Variants in OXT observed in about 807,000 individuals in gnomAD.
The protein encoded by OXT is oxytocin/neurophysin I prepropeptide, also known as oxytocin-neurophysin 1 proprotein.
OXT carries 9 observed loss-of-function variants against 11.2 expected under a neutral mutation model. That is an observed-to-expected ratio of 0.80 (90% CI 0.49 to 1.40). The LOEUF is 1.40. Among genes scored for constraint, OXT ranks in the 40% most tolerant of loss-of-function variants. The pLI is 0.00. For synonymous variants in OXT, 76 were observed against 80.9 expected, an observed-to-expected ratio of 0.94 and a Z score of 0.33; for missense variants, 175 against 178.7, an observed-to-expected ratio of 0.98 and a Z score of 0.12.
chr20:3,072,503 G>A lies in OXT; in HGVS notation c.*85G>A. The A allele has an allele frequency of 6.9e-7, 1 of 1,455,318 alleles. No individual in the cohort carries two copies. Among genetic ancestry groups the A allele is most frequent in the Admixed American group, 1.7e-5 (1 of 58,524 alleles). 90.2% of individuals were successfully genotyped at this position (1,455,318 alleles called of 1,614,324 possible). A position where few individuals can be genotyped will look rare whatever the true frequency, so the allele number is the denominator to read the frequency against. ...GAAATGGTGAAAATAAAATAAAGCA[G>A]GTTTTTCTCCTCTACCTTGACTCGT... On this transcript the variant is annotated 3_prime_UTR_variant, in exon 3 of 3. Coordinates refer to ENST00000217386, the MANE Select transcript of OXT (RefSeq NM_000915.4).
intron 2 of OXT, 27 bp downstream of exon 2, chr20:3,072,305 C>G: frequency 6.3e-7 from 1 of 1,599,584 alleles, no homozygotes. Context: ...GCTCCGGGGC[C>G]AGGGGGAGGC....
In OXT at chr20:3,071,869, A is replaced by G. The variant is rs2066076879; in HGVS notation, c.120+94A>G. 7.6e-6 allele frequency: 11 copies of G among 1,446,662 alleles called. No individual in the cohort carries two copies. Among genetic ancestry groups the G allele is most frequent in the Non-Finnish European group, 1.0e-5 (11 of 1,103,894 alleles). The allele number at this position is 1,446,662 out of a possible 1,614,324, so 89.6% of individuals were successfully genotyped here. ...CGCTCCGGCCTCGCCTGAGAACTCC[A>G]GGAGCTGAGCGGATTTTGACGCCCC... On this transcript the variant is annotated intron_variant, in intron 1 of 2. Coordinates refer to ENST00000217386, the MANE Select transcript of OXT (RefSeq NM_000915.4). The surrounding 1 kb of genome is among the most constrained non-coding windows in gnomAD (Gnocchi z 4.8).
At chr20:3,072,009 C>A (rs1170270112) in intron 1 of OXT, 68 bp from the exon 2 acceptor site, 32 of 1,413,438 alleles carry the variant, frequency 2.3e-5, no homozygotes, top group Admixed American at 9.2e-5. Context: ...CCCGGCCGGC[C>A]TCGCAGGGTC....
chr20:3,071,769 G>C lies in OXT; in HGVS notation c.114G>C (p.Val38=), dbSNP rs936842972. Residue 38 remains valine (V), a synonymous_variant, in exon 1 of 3, where the codon GTG becomes GTC. Coordinates refer to ENST00000217386, the MANE Select transcript of OXT (RefSeq NM_000915.4). This position sits in a 1 kb window ranked among gnomAD's most constrained non-coding sequence, Gnocchi z 4.8. The part of the protein sequence containing the change: ...GGKRAAPDLD[V]RKCLPCGPGG... ...AGAGGGCCGCGCCGGACCTCGACGT[G>C]CGCAAGGTGAGTCCCCAGCCCTGGT... The C allele has an allele frequency of 5.1e-6, 8 of 1,572,942 alleles. No homozygotes were observed. The highest frequency in any genetic ancestry group is 4.0e-5 in the African/African-American group (3 of 74,346).
In OXT at chr20:3,072,123, A is replaced by C. The variant is rs768850071; in HGVS notation, c.167A>C (p.Asn56Thr). Reference protein sequence around the residue: ...PGGKGRCFGPNICCAEELGCF... With the variant: ...PGGKGRCFGPTICCAEELGCF... Reference sequence around the variant, plus strand: ...GGCAAAGGCCGCTGCTTCGGGCCCAATATCTGCTGCGCGGAAGAGCTGGGC... The same window carrying C: ...GGCAAAGGCCGCTGCTTCGGGCCCACTATCTGCTGCGCGGAAGAGCTGGGC... The change falls in exon 2 of 3, where the codon AAT becomes ACT. Residue 56 changes from asparagine to threonine, a missense_variant. Physicochemically the swap from Asn to Thr is moderately conservative, Grantham distance 65. Transcript: ENST00000217386. 1 of 1,577,456 alleles carries C rather than the reference A, an allele frequency of 6.3e-7. No homozygotes were observed. The highest frequency in any genetic ancestry group is 1.7e-5 in the Admixed American group (1 of 57,290).
intron 1 of OXT, 63 bp from the exon 2 acceptor site, chr20:3,072,014 A>G: frequency 2.8e-6 from 4 of 1,421,214 alleles, no homozygotes; most frequent in Non-Finnish European, 3.7e-6. Context: ...CCGGCCTCGC[A>G]GGGTCCTCCG....
rs1339931444 is a variant in OXT at position 3,071,654 on chromosome 20, C to T, written c.-2C>T. The stretch of plus-strand genomic sequence containing the variant: ...GGACCCTGGACCCAGCGCACCCGCA[C>T]CATGGCCGGCCCCAGCCTCGCTTGC... On this transcript the variant is annotated 5_prime_UTR_variant, in exon 1 of 3. Transcript: ENST00000217386. The surrounding 1 kb of genome is among the most constrained non-coding windows in gnomAD (Gnocchi z 4.8). 1 of 1,602,554 alleles carries T rather than the reference C, an allele frequency of 6.2e-7. No individual in the cohort carries two copies. The highest frequency in any genetic ancestry group is 1.7e-5 in the Admixed American group (1 of 59,748).
rs757502666 is a variant in OXT at position 3,071,734 on chromosome 20, C to G, written c.79C>G (p.Leu27Val). 3 of 1,587,668 alleles carry G rather than the reference C, an allele frequency of 1.9e-6. No homozygotes were observed. Among genetic ancestry groups the G allele is most frequent in the Non-Finnish European group, 2.6e-6 (3 of 1,171,340 alleles). Reference protein sequence around the residue: ...TSACYIQNCPLGGKRAAPDLD... With the variant: ...TSACYIQNCPVGGKRAAPDLD... Reference sequence around the variant, plus strand: ...CGCCTGCTACATCCAGAACTGCCCCCTGGGAGGCAAGAGGGCCGCGCCGGA... The same window carrying G: ...CGCCTGCTACATCCAGAACTGCCCCGTGGGAGGCAAGAGGGCCGCGCCGGA... Residue 27 changes from leucine (L) to valine (V), a missense_variant, in exon 1 of 3, where the codon CTG becomes GTG. Transcript: ENST00000217386. The surrounding 1 kb of genome is among the most constrained non-coding windows in gnomAD (Gnocchi z 4.8).
Position 3,071,787 on chromosome 20 carries a change from GC to G in OXT, c.120+15del. 1 of 1,559,200 alleles carries G rather than the reference GC, an allele frequency of 6.4e-7. No individual in the cohort carries two copies. Among genetic ancestry groups the G allele is most frequent in the Non-Finnish European group, 8.6e-7 (1 of 1,158,588 alleles). The stretch of plus-strand genomic sequence containing the variant: ...TCGACGTGCGCAAGGTGAGTCCCCA[GC>G]CCTGGTCCCGCGGCGCTCCGGGGAG... On this transcript the variant is annotated intron_variant, in intron 1 of 2. Transcript: ENST00000217386. The surrounding 1 kb of genome is among the most constrained non-coding windows in gnomAD (Gnocchi z 4.8).
chr20:3,072,278 G>T lies in OXT; in HGVS notation c.322G>T (p.Asp108Tyr), dbSNP rs371393986. 9.4e-6 allele frequency: 15 copies of T among 1,595,532 alleles called. No individual in the cohort carries two copies. The highest frequency in any genetic ancestry group is 1.3e-5 in the African/African-American group (1 of 74,584). The change falls in exon 2 of 3, where the codon GAC becomes TAC. Residue 108 changes from aspartate to tyrosine, a missense_variant and splice_region_variant. Coordinates refer to ENST00000217386, the MANE Select transcript of OXT (RefSeq NM_000915.4). ...CAVLGLCCSPDGCHADPACDA... is the reference protein window; with the variant it reads ...CAVLGLCCSPYGCHADPACDA... The stretch of plus-strand genomic sequence containing the variant: ...GGTCTTGGGCCTCTGCTGCAGCCCG[G>T]GTGAGCGGGGCAAGGCGCTCCGGGG...
At position 3,072,213 on chromosome 20, in the gene OXT, A is replaced by G; in HGVS notation, c.257A>G (p.Gln86Arg). The G allele has an allele frequency of 6.3e-7, 1 of 1,597,096 alleles. No homozygotes were observed. The highest frequency in any genetic ancestry group is 8.5e-7 in the Non-Finnish European group (1 of 1,177,982). ...GAGAACTACCTGCCGTCGCCCTGCC[A>G]GTCCGGCCAGAAGGCGTGCGGGAGC... Reference protein sequence around the residue: ...QEENYLPSPCQSGQKACGSGG... With the variant: ...QEENYLPSPCRSGQKACGSGG... The change falls in exon 2 of 3, where the codon CAG becomes CGG. Residue 86 changes from glutamine to arginine, a missense_variant. Transcript: ENST00000217386.
In OXT at chr20:3,071,808, G is replaced by A. The variant is rs1165679789; in HGVS notation, c.120+33G>A. 2.1e-5 allele frequency: 33 copies of A among 1,539,590 alleles called. No homozygotes were observed. The Middle Eastern group carries it at 6.9e-4, about 32-fold the overall frequency. On this transcript the variant is annotated intron_variant, in intron 1 of 2. Transcript: ENST00000217386. This position sits in a 1 kb window ranked among gnomAD's most constrained non-coding sequence, Gnocchi z 4.8. Reference sequence around the variant, plus strand: ...CCCAGCCCTGGTCCCGCGGCGCTCCGGGGAGGGAGGGACCCGCAGCCACAG... The same window carrying A: ...CCCAGCCCTGGTCCCGCGGCGCTCCAGGGAGGGAGGGACCCGCAGCCACAG...
chr20:3,072,196 CCTG>C lies in OXT; in HGVS notation c.242_244del (p.Leu81del). On this transcript the variant is annotated inframe_deletion, in exon 2 of 3. Coordinates refer to ENST00000217386, the MANE Select transcript of OXT (RefSeq NM_000915.4). ...CGCTGCGCTGCCAGGAGGAGAACTA[CCTG>C]CCGTCGCCCTGCCAGTCCGGCCAGA... The C allele has an allele frequency of 6.3e-7, 1 of 1,596,356 alleles. No homozygotes were observed. The highest frequency in any genetic ancestry group is 8.5e-7 in the Non-Finnish European group (1 of 1,177,634).
In OXT at chr20:3,072,192, A is replaced by G; in HGVS notation, c.236A>G (p.Asn79Ser). ...GAAGCGCTGCGCTGCCAGGAGGAGAACTACCTGCCGTCGCCCTGCCAGTCC... is the reference window on the plus strand; with the variant it reads ...GAAGCGCTGCGCTGCCAGGAGGAGAGCTACCTGCCGTCGCCCTGCCAGTCC... Reference protein sequence around the residue: ...TAEALRCQEENYLPSPCQSGQ... With the variant: ...TAEALRCQEESYLPSPCQSGQ... The change falls in exon 2 of 3, where the codon AAC (asparagine) becomes AGC (serine). Residue 79 changes from asparagine (N) to serine (S), a missense_variant. Transcript: ENST00000217386. 1 of 1,596,584 alleles carries G rather than the reference A, an allele frequency of 6.3e-7. No homozygotes were observed.
At position 3,071,691 on chromosome 20, in the gene OXT, C is replaced by T. The variant is rs1464407376; in HGVS notation, c.36C>T (p.Gly12=). 1 of 1,595,928 alleles carries T rather than the reference C, an allele frequency of 6.3e-7. No homozygotes were observed. ...CCAGCCTCGCTTGCTGTCTGCTCGG[C>T]CTCCTGGCGCTGACCTCCGCCTGCT... ...AGPSLACCLL[G]LLALTSACYI... Residue 12 remains glycine (G), a synonymous_variant, in exon 1 of 3, where the codon GGC becomes GGT. Coordinates refer to ENST00000217386, the MANE Select transcript of OXT (RefSeq NM_000915.4). The surrounding 1 kb of genome is among the most constrained non-coding windows in gnomAD (Gnocchi z 4.8).
At chr20:3,072,304 C>G (rs905922842) in intron 2 of OXT, 26 bp downstream of exon 2, 12 of 1,594,700 alleles carry the variant, frequency 7.5e-6, no homozygotes, top group Non-Finnish European at 1.0e-5. Context: ...CGCTCCGGGG[C>G]CAGGGGGAGG....
chr20:3,071,733 C>G lies in OXT; in HGVS notation c.78C>G (p.Pro26=). ...CCGCCTGCTACATCCAGAACTGCCC[C>G]CTGGGAGGCAAGAGGGCCGCGCCGG... is the stretch of plus-strand genomic sequence containing the variant. ...LTSACYIQNC[P]LGGKRAAPDL... Residue 26 remains proline (P), a synonymous_variant, in exon 1 of 3, where the codon CCC becomes CCG. Transcript: ENST00000217386. This position sits in a 1 kb window ranked among gnomAD's most constrained non-coding sequence, Gnocchi z 4.8. 2 of 1,587,978 alleles carry G rather than the reference C, an allele frequency of 1.3e-6. No homozygotes were observed. The highest frequency in any genetic ancestry group is 8.5e-7 in the Non-Finnish European group (1 of 1,171,510).
rs765365623 is a variant in OXT, at chr20:3,071,629, G to C, written c.-27G>C. ...GGCCGGAGAGACCGCCACCAGTCAC[G>C]GACCCTGGACCCAGCGCACCCGCAC... On this transcript the variant is annotated 5_prime_UTR_variant, in exon 1 of 3. Coordinates refer to ENST00000217386, the MANE Select transcript of OXT (RefSeq NM_000915.4). This position sits in a 1 kb window ranked among gnomAD's most constrained non-coding sequence, Gnocchi z 4.8. The C allele has an allele frequency of 3.1e-6, 5 of 1,600,150 alleles. No individual in the cohort carries two copies. In the African/African-American group the frequency reaches 5.4e-5, roughly 17 times the overall value.
At position 3,072,464 on chromosome 20, in the gene OXT, C is replaced by T. The variant is rs769081933; in HGVS notation, c.*46C>T. ...CCTCGAAGCGCGCCACTCGCTTCCCCCATAGCCACCCCAGAAATGGTGAAA... is the reference window on the plus strand; with the variant it reads ...CCTCGAAGCGCGCCACTCGCTTCCCTCATAGCCACCCCAGAAATGGTGAAA... On this transcript the variant is annotated 3_prime_UTR_variant, in exon 3 of 3. Transcript: ENST00000217386. The T allele has an allele frequency of 1.1e-5, 18 of 1,573,666 alleles. No individual in the cohort carries two copies. In the South Asian group the frequency reaches 1.9e-4, roughly 16 times the overall value.
Sources: allele counts gnomAD v4.1 joint callset, GRCh38; gene constraint gnomAD v4.1.1; non-coding constraint Gnocchi (gnomAD v3.1); transcripts MANE v1.5; gene names NCBI Gene and HGNC (gene_info 2026-07-23, HGNC 2026-07-21).